The following FAM149A variants were observed in gnomAD, a reference collection of about 807,000 sequenced individuals.
FAM149A encodes family with sequence similarity 149 member A.
A neutral mutation model predicts 78.2 loss-of-function variants in FAM149A; 71 were observed. That is an observed-to-expected ratio of 0.91 (90% confidence interval 0.75 to 1.11). The LOEUF (loss-of-function observed/expected upper bound fraction) is 1.11, where lower values mean the gene tolerates loss of function less well. Among genes scored for constraint, FAM149A ranks in the 50% least tolerant of loss-of-function variants. The pLI is 0.00. For synonymous variants in FAM149A, 446 were observed against 410.5 expected (o/e 1.09, Z -1.04); for missense variants, 1,036 against 971.0 (o/e 1.07, Z -0.89).
chr4:186,141,150 A>G (rs571379759), intron 1 of FAM149A, among the ~76,000 whole-genome samples: 1 of 152,290 alleles, frequency 6.6e-6, no homozygotes, highest in Non-Finnish European at 1.5e-5. Context: ...CTTCTTTTGA[A>G]AAGTGTCTGT....
rs1310500712 is a variant in FAM149A at position 186,174,526 on chromosome 4, A to C, written c.*2539A>C. ...AATGTTTTTTCTTTGAAAACCACTG[A>C]ATATACTTTATGGTAGCTTTACCTT... On this transcript the variant is annotated 3_prime_UTR_variant, in exon 14 of 14. Transcript: ENST00000389354. 1.8e-5 allele frequency among the ~76,000 whole-genome samples: 2 copies of C among 111,680 alleles called. 1 individual carries two copies. The highest frequency in any genetic ancestry group is 5.6e-5 in the African/African-American group (2 of 35,704). The allele number at this position is 111,680 out of a possible 152,430, so 73.3% of individuals were successfully genotyped here.
intron 1 of FAM149A, chr4:186,122,962 A>G: frequency 5.3e-6 from 1 of 189,064 alleles, no homozygotes; most frequent in Non-Finnish European, 9.8e-6. Flanking sequence ...TCAAGCCTTC[A>G]GAGAAGAATC....
chr4:186,115,433 G>A (rs578226653), intron 1 of FAM149A, among the ~76,000 whole-genome samples: 1 of 147,704 alleles, frequency 6.8e-6, no homozygotes, highest in Non-Finnish European at 1.5e-5. Flanking sequence ...TTCCATTGCT[G>A]GTGAGGAACT....
At chr4:186,116,738 A>G in intron 1 of FAM149A, 1 of 980,026 alleles carries the variant, frequency 1.0e-6, no homozygotes, top group Non-Finnish European at 1.2e-6. Context: ...GCTGGGATAT[A>G]TTTAAATCTT....
chr4:186,142,362 CG>C (rs1240265846), intron 1 of FAM149A, among the ~76,000 whole-genome samples: 8 of 152,142 alleles, frequency 5.3e-5, no homozygotes, highest in Admixed American at 2.6e-4. Flanking sequence ...CATCTGTACG[CG>C]GACATGCTTT....
intron 8 of FAM149A, chr4:186,160,775 C>T (rs1734540913): frequency 1.1e-6 from 1 of 915,364 alleles, no homozygotes; most frequent in Non-Finnish European, 1.3e-6. Flanking sequence ...CCACATCACA[C>T]CACACCACAC....
intron 1 of FAM149A, chr4:186,146,866 C>T (rs1305839574): frequency 5.1e-6 from 5 of 985,274 alleles, no homozygotes; most frequent in South Asian, 4.7e-5. Context: ...AAATGAGTTC[C>T]GCATTTGAGT....
Position 186,105,619 on chromosome 4 carries a change from C to G in FAM149A, c.543C>G (p.Asp181Glu), listed in dbSNP as rs1344332375. 9.5e-7 allele frequency: 1 copy of G among 1,054,944 alleles called. No individual in the cohort carries two copies. 65.3% of individuals were successfully genotyped at this position (1,054,944 alleles called of 1,614,324 possible). ...ACATCGGCGAGGAGGGGGCCTCGGA[C>G]GGCGACTCCGGGGATGGCGAAGCGT... The change falls in exon 1 of 14, where the codon GAC (aspartate) becomes GAG (glutamate). Residue 181 changes from aspartate to glutamate, a missense_variant. Physicochemically the swap from Asp to Glu is conservative, Grantham distance 45. Around this residue, in one of 3 missense-constraint regions of FAM149A, gnomAD observed 316 missense variants for 241.9 expected, o/e 1.31. Transcript: ENST00000389354.
chr4:186,114,754 C>A (rs868597737), intron 1 of FAM149A, among the ~76,000 whole-genome samples: 50 of 3,114 alleles, frequency 0.016, 23 homozygotes, highest in African/African-American at 0.017. Flanking sequence ...GGGTTTCTGC[C>A]GAGAGATCCG....
At chr4:186,149,359 G>A in intron 2 of FAM149A, 76 bp downstream of exon 2, 1 of 1,226,916 alleles carries the variant, frequency 8.2e-7, no homozygotes, top group East Asian at 5.7e-5. Flanking sequence ...TTAGTGACTG[G>A]CCATGAATTT....
chr4:186,145,528 C>T (rs181364228), intron 1 of FAM149A, among the ~76,000 whole-genome samples: 310 of 152,304 alleles, frequency 2.0e-3, no homozygotes, highest in Middle Eastern at 6.8e-3. Context: ...TTCTACAAAG[C>T]AGTGTGGCAG....
At chr4:186,160,592 C>A (rs1734509509) in intron 8 of FAM149A, among the ~76,000 whole-genome samples, 1 of 147,228 alleles carries the variant, frequency 6.8e-6, no homozygotes, top group Admixed American at 6.7e-5. Context: ...CATACACACA[C>A]CACACACATA....
At chr4:186,169,745 G>A (rs1735373016) in intron 13 of FAM149A, 1 of 985,332 alleles carries the variant, frequency 1.0e-6, no homozygotes, top group Non-Finnish European at 1.2e-6. Flanking sequence ...CCCACTGGGG[G>A]CGTCCAGAGG....
In FAM149A at chr4:186,140,961, G is replaced by A. The variant is rs567762664; in HGVS notation, c.567-8212G>A. ...CAAGGCCTTCAAGGTGAATGGCCAA[G>A]TTGGAGATCCAGGAGAGCCAGTGAA... On this transcript the variant is annotated intron_variant, in intron 1 of 13. Transcript: ENST00000389354. Among the ~76,000 whole-genome samples the A allele has an allele frequency of 1.4e-3, 212 of 152,348 alleles. 1 individual carries two copies. Among genetic ancestry groups the A allele is most frequent in the African/African-American group, 4.7e-3 (197 of 41,594 alleles).
At chr4:186,111,520 T>C (rs1038323709) in intron 1 of FAM149A, among the ~76,000 whole-genome samples, 4 of 152,154 alleles carry the variant, frequency 2.6e-5, no homozygotes, top group Non-Finnish European at 4.4e-5. Flanking sequence ...AGGGTTTTTA[T>C]GGTTTTAGGT....
In FAM149A at chr4:186,163,478, A is replaced by AC; in HGVS notation, c.1736dup (p.His580AlafsTer42). 6.2e-7 allele frequency: 1 copy of AC among 1,614,142 alleles called. No individual in the cohort carries two copies. ...GAGGGGCAGGTGCTCTCTCCTCCGC[A>AC]CCGCACAGACTGGGACGGGCCTCAG... On this transcript the variant is annotated frameshift_variant, in exon 10 of 14. Coordinates refer to ENST00000389354, the MANE Select transcript of FAM149A (RefSeq NM_001367768.3). LOFTEE classifies it high-confidence loss of function.
At chr4:186,108,081 A>G (rs202153881) in intron 1 of FAM149A, among the ~76,000 whole-genome samples, 6 of 152,226 alleles carry the variant, frequency 3.9e-5, no homozygotes, top group Non-Finnish European at 8.8e-5. Flanking sequence ...AACAAACATA[A>G]GACAATGAAT....
rs1262735841 is a variant in FAM149A at position 186,140,858 on chromosome 4, C to T, written c.567-8315C>T. On this transcript the variant is annotated intron_variant, in intron 1 of 13. Transcript: ENST00000389354. The stretch of plus-strand genomic sequence containing the variant: ...AGAAGCAATAGGAGATACATGTCTA[C>T]ATCTATATTTGTATATATCTGTATA... Among the ~76,000 whole-genome samples the T allele has an allele frequency of 5.3e-5, 8 of 152,168 alleles. No homozygotes were observed. The South Asian group carries it at 1.7e-3, about 31-fold the overall frequency.
intron 3 of FAM149A, among the ~76,000 whole-genome samples, chr4:186,149,999 A>G (rs996820103): frequency 1.3e-5 from 2 of 152,182 alleles, no homozygotes; most frequent in African/African-American, 4.8e-5. Context: ...CTTGGATGGT[A>G]TCCATGGCCG....
Sources: allele counts gnomAD v4.1 joint callset (sites outside exome capture counted in the v4.1 genomes callset), GRCh38; gene constraint gnomAD v4.1.1; regional missense constraint gnomAD v4.1.1; transcripts MANE v1.5; gene names NCBI Gene and HGNC (gene_info 2026-07-23, HGNC 2026-07-21).